The following KCNMB1 variants were observed in gnomAD, a reference collection of about 807,000 sequenced individuals.
The protein encoded by KCNMB1 is calcium-activated potassium channel subunit beta-1.
Under a neutral mutation model 21.7 loss-of-function variants are expected in KCNMB1, and 22 were observed. The ratio of observed to expected loss-of-function variants is 1.01; its 90% CI spans 0.72 to 1.45. KCNMB1 has a LOEUF of 1.45. Ranked by LOEUF, KCNMB1 falls within the 40% of genes most tolerant of loss-of-function variation. The probability of loss-of-function intolerance (pLI) is 0.00; values close to 1 mark genes in which losing one functional copy is unlikely to be tolerated. For missense variants in KCNMB1, 243 were observed against 243.4 expected, an observed-to-expected ratio of 1.00 and a Z score of 0.01; for synonymous variants, 114 against 107.6, an observed-to-expected ratio of 1.06 and a Z score of -0.37.
rs1483837944 is a variant in KCNMB1, at chr5:170,389,317, C to G, written c.-83G>C. The G allele has an allele frequency of 6.6e-6, 1 of 152,084 alleles. No individual in the cohort carries two copies. The allele number at this position is 152,084 out of a possible 1,614,324, so 9.4% of individuals were successfully genotyped here. On this transcript the variant is annotated 5_prime_UTR_variant, in exon 1 of 4. Coordinates refer to ENST00000274629, the MANE Select transcript of KCNMB1 (RefSeq NM_004137.4). ...AGACAGTTTCTTTCTGCCTGGACCC[C>G]CGCCCCCACCCCAAAAGAGGCCACA...
At chr5:170,388,665 G>A (rs551351422) in intron 1 of KCNMB1, among the ~76,000 whole-genome samples, 4 of 152,278 alleles carry the variant, frequency 2.6e-5, no homozygotes, top group Admixed American at 2.6e-4. Flanking sequence ...GTACATTGTT[G>A]AACAGTTTGG....
At position 170,383,586 on chromosome 5, in the gene KCNMB1, T is replaced by TCTTTCTCCA. The variant is rs757384770; in HGVS notation, c.306+92_306+93insTGGAGAAAG. Reference sequence around the variant, plus strand: ...TGTGAGACCTGGTCAAGTGGGTTGATCTTTCTCAGCCTCGGGGACAGGGAC... The same window carrying TCTTTCTCCA: ...TGTGAGACCTGGTCAAGTGGGTTGATCTTTCTCCACTTTCTCAGCCTCGGGGACAGGGAC... On this transcript the variant is annotated intron_variant, in intron 3 of 3. Transcript: ENST00000274629. 8.5e-6 allele frequency: 12 copies of TCTTTCTCCA among 1,418,768 alleles called. No individual in the cohort carries two copies. The South Asian group carries it at 1.3e-4, about 15-fold the overall frequency. The allele number at this position is 1,418,768 out of a possible 1,614,324, so 87.9% of individuals were successfully genotyped here.
rs199919533 is a variant in KCNMB1, at chr5:170,383,723, C to G, written c.262G>C (p.Ala88Pro). The G allele has an allele frequency of 6.2e-7, 1 of 1,614,152 alleles. No individual in the cohort carries two copies. Among genetic ancestry groups the G allele is most frequent in the Non-Finnish European group, 8.5e-7 (1 of 1,180,022 alleles). Residue 88 changes from alanine to proline, a missense_variant, in exon 3 of 4, where the codon GCT becomes CCT. Physicochemically the swap from Ala to Pro is conservative, Grantham distance 27. Coordinates refer to ENST00000274629, the MANE Select transcript of KCNMB1 (RefSeq NM_004137.4). ...GTGTCCTCCGTGTGGTACAGCACAG[C>G]CCACCTGCCGGCAGCTGACACGTTG... ...WVNVSAAGRW[A>P]VLYHTEDTRD...
intron 1 of KCNMB1, among the ~76,000 whole-genome samples, chr5:170,388,011 C>A (rs1251597529): frequency 6.7e-6 from 1 of 148,306 alleles, no homozygotes; most frequent in African/African-American, 2.5e-5. Context: ...TCCTTCCTGG[C>A]TAATCAGCCC....
intron 1 of KCNMB1, among the ~76,000 whole-genome samples, chr5:170,387,493 C>T (rs1764525659): frequency 6.6e-6 from 1 of 152,192 alleles, no homozygotes; most frequent in Non-Finnish European, 1.5e-5. Flanking sequence ...CCCATCACAC[C>T]TTCCCAGTGA....
rs1398507012 is a variant in KCNMB1, at chr5:170,376,627, G to A, written c.*2077C>T. The A allele has an allele frequency of 2.0e-5, 3 of 151,970 alleles. No individual in the cohort carries two copies. Among genetic ancestry groups the A allele is most frequent in the Admixed American group, 1.3e-4 (2 of 15,258 alleles). The allele number at this position is 151,970 out of a possible 1,614,324, so 9.4% of individuals were successfully genotyped here. On this transcript the variant is annotated 3_prime_UTR_variant, in exon 4 of 4. Transcript: ENST00000274629. ...GTGAGAATATACAGTATTTAGTTTT[G>A]TGTCCCTGTGTTAGTTTGCTAAGGA...
At chr5:170,387,795 C>A (rs1046392690) in intron 1 of KCNMB1, among the ~76,000 whole-genome samples, 3 of 152,208 alleles carry the variant, frequency 2.0e-5, no homozygotes, top group Admixed American at 2.0e-4. Context: ...ACAGAATCAC[C>A]TGGAGGTAAG....
rs144383468 is a variant in KCNMB1 at position 170,383,771 on chromosome 5, G to C, written c.214C>G (p.Pro72Ala). The change falls in exon 3 of 4, where the codon CCC (proline) becomes GCC (alanine). Residue 72 changes from proline (P) to alanine (A), a missense_variant. Pro to Ala is a conservative substitution (Grantham distance 27). Transcript: ENST00000274629. ...TTGACCCACAGGCATGGGTACTGGGGCACCTTCTTGCCCTTCAGCTCCTCC... is the reference window on the plus strand; with the variant it reads ...TTGACCCACAGGCATGGGTACTGGGCCACCTTCTTGCCCTTCAGCTCCTCC... Reference protein sequence around the residue: ...DQEELKGKKVPQYPCLWVNVS... With the variant: ...DQEELKGKKVAQYPCLWVNVS... 6.2e-7 allele frequency: 1 copy of C among 1,614,086 alleles called. No individual in the cohort carries two copies. The highest frequency in any genetic ancestry group is 8.5e-7 in the Non-Finnish European group (1 of 1,179,986).
chr5:170,387,657 T>C (rs1217617978), intron 1 of KCNMB1, among the ~76,000 whole-genome samples: 2 of 152,216 alleles, frequency 1.3e-5, no homozygotes, highest in Non-Finnish European at 2.9e-5. Flanking sequence ...AAGAGAGATG[T>C]TTTATTCAAC....
In KCNMB1 at chr5:170,375,256, A is replaced by G. The variant is rs568858093; in HGVS notation, c.*3448T>C. 6.6e-6 allele frequency: 1 copy of G among 152,354 alleles called. No individual in the cohort carries two copies. The highest frequency in any genetic ancestry group is 2.4e-5 in the African/African-American group (1 of 41,582). 9.4% of individuals were successfully genotyped at this position (152,354 alleles called of 1,614,324 possible). ...ACTATAGTACAATATTACAATTAAG[A>G]CTTTCTTAAAAGACTCACATGAGGA... On this transcript the variant is annotated 3_prime_UTR_variant, in exon 4 of 4. Transcript: ENST00000274629.
At position 170,385,354 on chromosome 5, in the gene KCNMB1, A is replaced by T; in HGVS notation, c.94T>A (p.Tyr32Asn). ...TMVVCAVITY[Y>N]ILVTTVLPLY... ...GGCAGCACAGTCGTGACCAGGATGT[A>T]GTAGGTGATGACGGCACACACCACC... The change falls in exon 2 of 4, where the codon TAC (tyrosine) becomes AAC (asparagine). Residue 32 changes from tyrosine (Y) to asparagine (N), a missense_variant. Physicochemically the swap from Tyr to Asn is moderately radical, Grantham distance 143 (BLOSUM62 -2). Coordinates refer to ENST00000274629, the MANE Select transcript of KCNMB1 (RefSeq NM_004137.4). 3 of 1,614,158 alleles carry T rather than the reference A, an allele frequency of 1.9e-6. No individual in the cohort carries two copies. Among genetic ancestry groups the T allele is most frequent in the Non-Finnish European group, 2.5e-6 (3 of 1,180,024 alleles).
Position 170,389,296 on chromosome 5 carries a change from A to G in KCNMB1, c.-62T>C, listed in dbSNP as rs703508. On this transcript the variant is annotated 5_prime_UTR_variant, in exon 1 of 4. Transcript: ENST00000274629. ...GTCCTGTGGGTCTTGAGCAGCAGAC[A>G]GTTTCTTTCTGCCTGGACCCCCGCC... 0.86 allele frequency: 130,798 copies of G among 151,688 alleles called. 56,751 individuals are homozygous for G. The highest frequency in any genetic ancestry group is 0.89 in the Non-Finnish European group (60,221 of 68,022). 9.4% of individuals were successfully genotyped at this position (151,688 alleles called of 1,614,324 possible).
rs565890813 is a variant in KCNMB1, at chr5:170,383,415, C to A, written c.306+264G>T. 21 of 602,874 alleles carry A rather than the reference C, an allele frequency of 3.5e-5. No individual in the cohort carries two copies. In the South Asian group the frequency reaches 3.7e-4, roughly 11 times the overall value. The allele number at this position is 602,874 out of a possible 1,614,324, so 37.3% of individuals were successfully genotyped here. On this transcript the variant is annotated intron_variant, in intron 3 of 3. Transcript: ENST00000274629. ...ACAGCTCTTCAAGGTGCAGCATTAG[C>A]ATTCCACTTTACAAGGGTGGAAACT...
chr5:170,378,755 G>T lies in KCNMB1; in HGVS notation c.525C>A (p.Ile175=). 6.2e-7 allele frequency: 1 copy of T among 1,614,178 alleles called. No individual in the cohort carries two copies. The highest frequency in any genetic ancestry group is 1.1e-5 in the South Asian group (1 of 91,084). ...GGTACTGGTTGCTCTTCACCATGGC[G>T]ATAATGAGGAGGCCACCGGTCAGCA... is the stretch of plus-strand genomic sequence containing the variant. ...TFLLTGGLLI[I]AMVKSNQYLS... The change falls in exon 4 of 4, where the codon ATC becomes ATA. Residue 175 remains isoleucine (I), a synonymous_variant. Coordinates refer to ENST00000274629, the MANE Select transcript of KCNMB1 (RefSeq NM_004137.4).
At chr5:170,380,851 C>G (rs983794628) in intron 3 of KCNMB1, among the ~76,000 whole-genome samples, 2 of 152,200 alleles carry the variant, frequency 1.3e-5, no homozygotes, top group African/African-American at 4.8e-5. Context: ...CTGCCACAAC[C>G]TCACTGGGCC....
chr5:170,386,323 G>A (rs753559062), intron 1 of KCNMB1, among the ~76,000 whole-genome samples: 1 of 152,198 alleles, frequency 6.6e-6, no homozygotes, highest in Non-Finnish European at 1.5e-5. Flanking sequence ...CAAGGAGTGC[G>A]TCAGAAGCTG....
At chr5:170,381,851 C>T (rs1764253857) in intron 3 of KCNMB1, among the ~76,000 whole-genome samples, 1 of 152,228 alleles carries the variant, frequency 6.6e-6, no homozygotes, top group African/African-American at 2.4e-5. Context: ...CTACTGAATG[C>T]CAACGCAGAG....
At chr5:170,386,821 T>C (rs1764493419) in intron 1 of KCNMB1, among the ~76,000 whole-genome samples, 1 of 152,142 alleles carries the variant, frequency 6.6e-6, no homozygotes, top group African/African-American at 2.4e-5. Context: ...GGGCACATTC[T>C]GCTGGTGGTT....
intron 3 of KCNMB1, among the ~76,000 whole-genome samples, chr5:170,380,065 C>G (rs1764179250): frequency 6.6e-6 from 1 of 152,106 alleles, no homozygotes; most frequent in African/African-American, 2.4e-5. Flanking sequence ...ACACTGGGAT[C>G]CAAAGGAAAG....
Sources: allele counts gnomAD v4.1 joint callset (sites outside exome capture counted in the v4.1 genomes callset), GRCh38; gene constraint gnomAD v4.1.1; transcripts MANE v1.5; gene names NCBI Gene and HGNC (gene_info 2026-07-23, HGNC 2026-07-21).